SLC30A8: variants seen among roughly 807,000 people sequenced by gnomAD.
The protein encoded by SLC30A8 is proton-coupled zinc antiporter SLC30A8.
A neutral mutation model predicts 36.9 loss-of-function variants in SLC30A8; 27 were observed. The observed-to-expected ratio is 0.73, with a 90% CI of 0.54 to 1.01. The LOEUF (loss-of-function observed/expected upper bound fraction) is 1.01. SLC30A8 is among the 50% of genes least tolerant of loss of function. The pLI is 0.00. For synonymous variants in SLC30A8, 164 were observed against 172.4 expected (o/e 0.95, Z 0.38); for missense variants, 439 against 452.0 (o/e 0.97, Z 0.26).
intron 2 of SLC30A8, among the ~76,000 whole-genome samples, chr8:117,054,261 G>C (rs1043999886): frequency 1.3e-5 from 2 of 151,990 alleles, no homozygotes; most frequent in Admixed American, 6.6e-5. Context: ...ACCGCACCTG[G>C]CTATTTTTAA....
chr8:117,073,420 A>G (rs886387464), intron 2 of SLC30A8, among the ~76,000 whole-genome samples: 9 of 151,880 alleles, frequency 5.9e-5, no homozygotes, highest in Admixed American at 5.9e-4. Context: ...TGCCCAGCTA[A>G]CTTGATTAGA....
At chr8:117,069,404 G>C (rs187242381) in intron 2 of SLC30A8, among the ~76,000 whole-genome samples, 16 of 152,290 alleles carry the variant, frequency 1.1e-4, no homozygotes, top group Admixed American at 2.6e-4. Flanking sequence ...CAAGTACTTA[G>C]TATTTTGTTC....
chr8:117,129,091 G>C (rs978138729), intron 2 of SLC30A8, among the ~76,000 whole-genome samples: 1 of 152,012 alleles, frequency 6.6e-6, no homozygotes, highest in African/African-American at 2.4e-5. Flanking sequence ...ATACACTGTT[G>C]GGTGGCAATT....
chr8:117,012,724 T>TACACACACACACAC (rs376889831), intron 1 of SLC30A8, among the ~76,000 whole-genome samples: 2,033 of 126,342 alleles, frequency 0.016, 39 homozygotes, highest in African/African-American at 0.037. Flanking sequence ...GACATATGTA[T>TACACACACACACAC]ACACACACAC....
chr8:117,074,636 G>T (rs1178539885), intron 2 of SLC30A8, among the ~76,000 whole-genome samples: 1 of 152,086 alleles, frequency 6.6e-6, no homozygotes, highest in Admixed American at 6.6e-5. Context: ...TGATCTGCTC[G>T]ATATCTCCTT....
At chr8:116,951,385 C>A (rs1472926120) in intron 1 of SLC30A8, among the ~76,000 whole-genome samples, 1 of 152,116 alleles carries the variant, frequency 6.6e-6, no homozygotes, top group Non-Finnish European at 1.5e-5. Context: ...TAGAAAAATA[C>A]TGAAATTAAC....
At position 117,129,220 on chromosome 8, in the gene SLC30A8, A is replaced by C. The variant is rs532470390; in HGVS notation, c.-225-6060A>C. Among the ~76,000 whole-genome samples, 3 of 152,196 alleles carry C rather than the reference A, an allele frequency of 2.0e-5. No individual in the cohort carries two copies. In the South Asian group the frequency reaches 6.2e-4, roughly 32 times the overall value. ...GTTAGCACTGCAATGGATGTGTTTG[A>C]GCAGACAATGAATCCGTTGTGCTCA... On this transcript the variant is annotated intron_variant, in intron 2 of 10. Coordinates refer to the SLC30A8 transcript ENST00000427715.
chr8:117,069,398 T>C (rs1389252406), intron 2 of SLC30A8, among the ~76,000 whole-genome samples: 1 of 152,246 alleles, frequency 6.6e-6, no homozygotes, highest in Non-Finnish European at 1.5e-5. Context: ...ATATTTCAAG[T>C]ACTTAGTATT....
intron 2 of SLC30A8, among the ~76,000 whole-genome samples, chr8:117,152,458 A>AAT (rs1388788906): frequency 6.6e-6 from 1 of 152,106 alleles, no homozygotes; most frequent in African/African-American, 2.4e-5. Flanking sequence ...TCAGGTGGAT[A>AAT]ATATATATTA....
At chr8:117,149,531 A>G (rs933318050) in intron 2 of SLC30A8, among the ~76,000 whole-genome samples, 1 of 152,226 alleles carries the variant, frequency 6.6e-6, no homozygotes, top group African/African-American at 2.4e-5. Context: ...AACGTGAGCT[A>G]TACACACATC....
intron 1 of SLC30A8, among the ~76,000 whole-genome samples, chr8:116,991,249 T>C (rs1020993677): frequency 6.6e-6 from 1 of 152,130 alleles, no homozygotes; most frequent in African/African-American, 2.4e-5. Context: ...ATCTTTTCTT[T>C]TTTGATGTCT....
intron 2 of SLC30A8, among the ~76,000 whole-genome samples, chr8:117,071,190 A>G (rs938603451): frequency 6.6e-6 from 1 of 152,034 alleles, no homozygotes; most frequent in African/African-American, 2.4e-5. Flanking sequence ...CCTTTTCTCC[A>G]TATCCTCTTC....
rs111713874 is a variant in SLC30A8 at position 117,150,597 on chromosome 8, G to A, written c.272-2347G>A. Among the ~76,000 whole-genome samples, 572 of 152,108 alleles carry A rather than the reference G, an allele frequency of 3.8e-3. 3 individuals are homozygous for A. Among genetic ancestry groups the A allele is most frequent in the African/African-American group, 0.013 (558 of 41,486 alleles). On this transcript the variant is annotated intron_variant, in intron 2 of 7. Transcript: ENST00000456015. ...ATAATTTCCCTTCGCTAACACTATC[G>A]AGACTTTAAAAGAAAATTTTTTTTT... is the stretch of plus-strand genomic sequence containing the variant.
chr8:116,958,909 G>A (rs1814315799), intron 1 of SLC30A8, among the ~76,000 whole-genome samples: 1 of 139,000 alleles, frequency 7.2e-6, no homozygotes, highest in Non-Finnish European at 1.5e-5. Context: ...GAGTGCAGTG[G>A]TGCGATCTCG....
chr8:117,093,250 A>G (rs1819208751), intron 2 of SLC30A8, among the ~76,000 whole-genome samples: 1 of 151,950 alleles, frequency 6.6e-6, no homozygotes, highest in Non-Finnish European at 1.5e-5. Context: ...CCATGGCTTG[A>G]CAGCTTCTGG....
At chr8:117,089,654 G>C (rs1013702308) in intron 2 of SLC30A8, among the ~76,000 whole-genome samples, 2 of 152,160 alleles carry the variant, frequency 1.3e-5, no homozygotes, top group African/African-American at 2.4e-5. Flanking sequence ...TATACTAGCT[G>C]TCTGCAATGT....
At position 117,151,089 on chromosome 8, in the gene SLC30A8, T is replaced by A. The variant is rs548520652; in HGVS notation, c.272-1855T>A. On this transcript the variant is annotated intron_variant, in intron 2 of 7. Coordinates refer to ENST00000456015, the MANE Select transcript of SLC30A8 (RefSeq NM_173851.3). ...TTTTCCTCCAACATTCCATACCTTC[T>A]GCTTTTCCCGAAAAGTTCTATGTTC... is the stretch of plus-strand genomic sequence containing the variant. Among the ~76,000 whole-genome samples, 3 of 152,304 alleles carry A rather than the reference T, an allele frequency of 2.0e-5. No homozygotes were observed. In the East Asian group the frequency reaches 5.8e-4, roughly 30 times the overall value.
chr8:117,029,781 T>C (rs1395612225), intron 1 of SLC30A8, among the ~76,000 whole-genome samples: 1 of 152,222 alleles, frequency 6.6e-6, no homozygotes, highest in Non-Finnish European at 1.5e-5. Context: ...TGGAGTCATC[T>C]AACACTGCAA....
chr8:117,173,679 A>G lies in SLC30A8; in HGVS notation c.*998A>G, dbSNP rs1823515819. The G allele has an allele frequency of 6.6e-6, 1 of 152,142 alleles. No homozygotes were observed. The highest frequency in any genetic ancestry group is 1.5e-5 in the Non-Finnish European group (1 of 68,008). The allele number at this position is 152,142 out of a possible 1,614,324, so 9.4% of individuals were successfully genotyped here. A position where few individuals can be genotyped will look rare whatever the true frequency, so the allele number is the denominator to read the frequency against. On this transcript the variant is annotated 3_prime_UTR_variant, in exon 8 of 8. Transcript: ENST00000456015. ...GTAAACTGAAGATGTGCAGGCCAACATTCTGGAAATCCTATGTCAATGGGT... is the reference window on the plus strand; with the variant it reads ...GTAAACTGAAGATGTGCAGGCCAACGTTCTGGAAATCCTATGTCAATGGGT...
Sources: allele counts gnomAD v4.1 joint callset (sites outside exome capture counted in the v4.1 genomes callset), GRCh38; gene constraint gnomAD v4.1.1; transcripts MANE v1.5; gene names NCBI Gene and HGNC (gene_info 2026-07-23, HGNC 2026-07-21).